DERA: variants seen among roughly 807,000 people sequenced by gnomAD.
DERA encodes the protein deoxyribose-phosphate aldolase.
DERA carries 15 observed loss-of-function variants against 41.1 expected under a neutral mutation model. The observed-to-expected ratio is 0.37, with a 90% CI of 0.24 to 0.56. The LOEUF (loss-of-function observed/expected upper bound fraction) is 0.56. Ranked by LOEUF, DERA falls within the 20% of genes least tolerant of loss-of-function variation. The pLI is 0.81. For missense variants in DERA, 396 were observed against 403.4 expected, an observed-to-expected ratio of 0.98 and a Z score of 0.16; for synonymous variants, 139 against 137.4, an observed-to-expected ratio of 1.01 and a Z score of -0.08.
Position 16,000,579 on chromosome 12 carries a change from G to T in DERA, c.637+18143G>T, listed in dbSNP as rs1378699406. ...TTTATCACCAACTGGGGCATTGAAA[G>T]TAAGTTTCCTATGTTACGCGGCTGC... On this transcript the variant is annotated intron_variant, in intron 6 of 8. Transcript: ENST00000428559. This position sits in a 1 kb window ranked among gnomAD's most constrained non-coding sequence, Gnocchi z 4.8. Among the ~76,000 whole-genome samples, 3 of 152,180 alleles carry T rather than the reference G, an allele frequency of 2.0e-5. No homozygotes were observed. The highest frequency in any genetic ancestry group is 4.4e-5 in the Non-Finnish European group (3 of 68,032).
At chr12:15,960,207 T>C (rs10846259) in intron 4 of DERA, among the ~76,000 whole-genome samples, 72,078 of 145,144 alleles carry the variant, frequency 0.5, 20,188 homozygotes, top group Admixed American at 0.63. Context: ...TATATATATA[T>C]ACACACACAC....
At chr12:15,926,661 G>A (rs1207927098) in intron 1 of DERA, among the ~76,000 whole-genome samples, 2 of 151,894 alleles carry the variant, frequency 1.3e-5, no homozygotes, top group Non-Finnish European at 2.9e-5. Context: ...GCGTGAACCC[G>A]GGAGGCGGAG....
At chr12:15,974,490 G>A (rs1948684534) in intron 5 of DERA, among the ~76,000 whole-genome samples, 2 of 152,026 alleles carry the variant, frequency 1.3e-5, no homozygotes, top group Non-Finnish European at 2.9e-5. Flanking sequence ...CACATTTTTG[G>A]CAGGTATACC....
At chr12:15,937,014 C>T (rs1948373285) in intron 1 of DERA, among the ~76,000 whole-genome samples, 1 of 151,836 alleles carries the variant, frequency 6.6e-6, no homozygotes, top group Non-Finnish European at 1.5e-5. Context: ...GCTCTATTGC[C>T]CAAGCCAGAG....
chr12:15,980,340 T>G (rs563452342), intron 5 of DERA, among the ~76,000 whole-genome samples: 1 of 152,360 alleles, frequency 6.6e-6, no homozygotes, highest in South Asian at 2.1e-4. Context: ...CTCTAAAGCC[T>G]GCTTTTAATG....
Position 16,035,019 on chromosome 12 carries a change from C to T in DERA, c.751-1213C>T, listed in dbSNP as rs1949118035. Among the ~76,000 whole-genome samples the T allele has an allele frequency of 6.6e-6, 1 of 152,084 alleles. No homozygotes were observed. The highest frequency in any genetic ancestry group is 6.6e-5 in the Admixed American group (1 of 15,266). ...GGTTGGAATCCGTGCACTGCTACTGCTTAGTTGTGTGACGTTGTGTAATTG... is the reference window on the plus strand; with the variant it reads ...GGTTGGAATCCGTGCACTGCTACTGTTTAGTTGTGTGACGTTGTGTAATTG... On this transcript the variant is annotated intron_variant, in intron 7 of 8. Transcript: ENST00000428559. This position sits in a 1 kb window ranked among gnomAD's most constrained non-coding sequence, Gnocchi z 4.1.
intron 1 of DERA, among the ~76,000 whole-genome samples, chr12:15,945,317 G>A (rs1948438945): frequency 6.6e-6 from 1 of 152,118 alleles, no homozygotes; most frequent in Non-Finnish European, 1.5e-5. Flanking sequence ...AAATTACCTT[G>A]GGCAGTATGG....
At position 15,911,624 on chromosome 12, in the gene DERA, A is replaced by G. The variant is rs1185379880; in HGVS notation, c.31+210A>G. The G allele has an allele frequency of 1.4e-6, 1 of 697,570 alleles. No individual in the cohort carries two copies. The highest frequency in any genetic ancestry group is 2.0e-5 in the Admixed American group (1 of 49,486). 43.2% of individuals were successfully genotyped at this position (697,570 alleles called of 1,614,324 possible). On this transcript the variant is annotated intron_variant, in intron 1 of 8. Coordinates refer to ENST00000428559, the MANE Select transcript of DERA (RefSeq NM_015954.4). The surrounding 1 kb of genome is among the most constrained non-coding windows in gnomAD (Gnocchi z 4.5). ...CGCTTGTCTTTGCACCTAAGCTTTT[A>G]CTCTTGTATGCGGAAGGAGTAGGAA...
chr12:15,983,461 A>C lies in DERA; in HGVS notation c.637+1025A>C, dbSNP rs575559813. 5.4e-4 allele frequency among the ~76,000 whole-genome samples: 82 copies of C among 152,178 alleles called. No individual in the cohort carries two copies. Among genetic ancestry groups the C allele is most frequent in the African/African-American group, 1.8e-3 (74 of 41,508 alleles). On this transcript the variant is annotated intron_variant, in intron 6 of 8. Coordinates refer to ENST00000428559, the MANE Select transcript of DERA (RefSeq NM_015954.4). This position sits in a 1 kb window ranked among gnomAD's most constrained non-coding sequence, Gnocchi z 6.2. ...TCCTGCCCGGAATGCCTTTTGCCCA[A>C]ATAACTCCACATCTTGGGGTTCAGC...
chr12:15,958,978 T>C (rs1215186104), intron 3 of DERA, among the ~76,000 whole-genome samples: 1 of 152,186 alleles, frequency 6.6e-6, no homozygotes, highest in African/African-American at 2.4e-5. Flanking sequence ...CTACACGTCT[T>C]GTTACTTGCT....
At position 16,011,934 on chromosome 12, in the gene DERA, G is replaced by GCT. The variant is rs1343345026; in HGVS notation, c.638-20603_638-20602dup. Among the ~76,000 whole-genome samples the GCT allele has an allele frequency of 6.6e-6, 1 of 152,010 alleles. No individual in the cohort carries two copies. Among genetic ancestry groups the GCT allele is most frequent in the Non-Finnish European group, 1.5e-5 (1 of 68,022 alleles). On this transcript the variant is annotated intron_variant, in intron 6 of 8. Transcript: ENST00000428559. The surrounding 1 kb of genome is among the most constrained non-coding windows in gnomAD (Gnocchi z 4.7). ...TTTTTTCTTCTCAGCAATGCCACTG[G>GCT]CTCTCTAAAAAACAGAGGATAATGT...
Position 15,972,836 on chromosome 12 carries a change from A to G in DERA, c.509-9472A>G, listed in dbSNP as rs539723076. On this transcript the variant is annotated intron_variant, in intron 5 of 8. Transcript: ENST00000428559. This position sits in a 1 kb window ranked among gnomAD's most constrained non-coding sequence, Gnocchi z 4.4. ...CGATCTAGTGCTGGACTTGGAAGTTAATCTTAAATAAAGAAAACTAAAATG... is the reference window on the plus strand; with the variant it reads ...CGATCTAGTGCTGGACTTGGAAGTTGATCTTAAATAAAGAAAACTAAAATG... Among the ~76,000 whole-genome samples the G allele has an allele frequency of 8.5e-5, 13 of 152,290 alleles. No homozygotes were observed. Among genetic ancestry groups the G allele is most frequent in the African/African-American group, 3.1e-4 (13 of 41,572 alleles).
At chr12:15,925,111 A>G (rs1948272337) in intron 1 of DERA, among the ~76,000 whole-genome samples, 1 of 152,050 alleles carries the variant, frequency 6.6e-6, no homozygotes, top group African/African-American at 2.4e-5. Context: ...ATCCTGGGTC[A>G]TTTGGCCCCA....
chr12:15,936,937 T>TCCCGTCCCGTCCCGTCCCGTCCC lies in DERA; in HGVS notation c.32-19999_32-19998insCCCGTCCCGTCCCGTCCCGTCCC, dbSNP rs1565588734. Among the ~76,000 whole-genome samples the TCCCGTCCCGTCCCGTCCCGTCCC allele has an allele frequency of 4.0e-4, 52 of 130,994 alleles. No individual in the cohort carries two copies. Among genetic ancestry groups the TCCCGTCCCGTCCCGTCCCGTCCC allele is most frequent in the African/African-American group, 1.7e-3 (47 of 27,630 alleles). The allele number at this position is 130,994 out of a possible 152,430, so 85.9% of individuals were successfully genotyped here. ...TGTCCTGTCCTGTCCTGTCCTGTCT[T>TCCCGTCCCGTCCCGTCCCGTCCC]GTCCTGTCCCGTCCTGTCCTGCCCT... is the stretch of plus-strand genomic sequence containing the variant. On this transcript the variant is annotated intron_variant, in intron 1 of 8. Transcript: ENST00000428559. This position sits in a 1 kb window ranked among gnomAD's most constrained non-coding sequence, Gnocchi z 4.6.
Position 15,943,802 on chromosome 12 carries a change from A to G in DERA, c.32-13134A>G, listed in dbSNP as rs1297866269. ...GTGCAGGTTTGTTACATGTGTATACATGTGCCATGTTGGTGTGCTGTAGCC... is the reference window on the plus strand; with the variant it reads ...GTGCAGGTTTGTTACATGTGTATACGTGTGCCATGTTGGTGTGCTGTAGCC... On this transcript the variant is annotated intron_variant, in intron 1 of 8. Coordinates refer to ENST00000428559, the MANE Select transcript of DERA (RefSeq NM_015954.4). This position sits in a 1 kb window ranked among gnomAD's most constrained non-coding sequence, Gnocchi z 4.5. Among the ~76,000 whole-genome samples the G allele has an allele frequency of 6.6e-6, 1 of 151,480 alleles. No individual in the cohort carries two copies. Among genetic ancestry groups the G allele is most frequent in the Non-Finnish European group, 1.5e-5 (1 of 67,952 alleles).
chr12:16,016,645 T>G (rs1185969930), intron 6 of DERA, among the ~76,000 whole-genome samples: 2 of 151,594 alleles, frequency 1.3e-5, no homozygotes, highest in Non-Finnish European at 1.5e-5. Flanking sequence ...ACAAAAAAAT[T>G]AGCTGGTGTG....
At position 15,918,661 on chromosome 12, in the gene DERA, G is replaced by A. The variant is rs1250763559; in HGVS notation, c.31+7247G>A. ...TACTTGCTGCTCATGGTCATGGCAGGGATGCCAAGGTGAGCCTGACTTGGT... is the reference window on the plus strand; with the variant it reads ...TACTTGCTGCTCATGGTCATGGCAGAGATGCCAAGGTGAGCCTGACTTGGT... On this transcript the variant is annotated intron_variant, in intron 1 of 8. Coordinates refer to ENST00000428559, the MANE Select transcript of DERA (RefSeq NM_015954.4). The surrounding 1 kb of genome is among the most constrained non-coding windows in gnomAD (Gnocchi z 4.3). Among the ~76,000 whole-genome samples, 1 of 152,182 alleles carries A rather than the reference G, an allele frequency of 6.6e-6. No homozygotes were observed. Among genetic ancestry groups the A allele is most frequent in the Non-Finnish European group, 1.5e-5 (1 of 68,044 alleles).
rs549444680 is a variant in DERA at position 15,914,546 on chromosome 12, G to A, written c.31+3132G>A. Among the ~76,000 whole-genome samples, 10 of 152,222 alleles carry A rather than the reference G, an allele frequency of 6.6e-5. No individual in the cohort carries two copies. The South Asian group carries it at 2.1e-3, about 32-fold the overall frequency. On this transcript the variant is annotated intron_variant, in intron 1 of 8. Transcript: ENST00000428559. Reference sequence around the variant, plus strand: ...CTTGGCACCTTCTTCCTCTTTGTAAGTATTATTAAGATTCAGTTTTGTTAC... The same window carrying A: ...CTTGGCACCTTCTTCCTCTTTGTAAATATTATTAAGATTCAGTTTTGTTAC...
intron 6 of DERA, among the ~76,000 whole-genome samples, chr12:16,023,306 CT>C (rs1181990536): frequency 6.6e-6 from 1 of 152,104 alleles, no homozygotes; most frequent in Non-Finnish European, 1.5e-5. Flanking sequence ...AATTTGAAGA[CT>C]ATGGCAGCTA....
Sources: allele counts gnomAD v4.1 joint callset (sites outside exome capture counted in the v4.1 genomes callset), GRCh38; gene constraint gnomAD v4.1.1; non-coding constraint Gnocchi (gnomAD v3.1); transcripts MANE v1.5; gene names NCBI Gene and HGNC (gene_info 2026-07-23, HGNC 2026-07-21).